Variants in DOCK7 observed in about 807,000 individuals in gnomAD.
DOCK7 encodes dedicator of cytokinesis protein 7.
Under a neutral mutation model 271.0 loss-of-function variants are expected in DOCK7, and 138 were observed. The ratio of observed to expected loss-of-function variants is 0.51; its 90% CI spans 0.44 to 0.59. The LOEUF is 0.59. Among genes scored for constraint, DOCK7 ranks in the 20% least tolerant of loss-of-function variants. The probability of loss-of-function intolerance (pLI) is 0.00; values close to 1 mark genes in which losing one functional copy is unlikely to be tolerated. For missense variants in DOCK7, 2,066 were observed against 2,592.4 expected (o/e 0.80, Z 4.41); for synonymous variants, 823 against 876.1 (o/e 0.94, Z 1.07).
rs1003522400 is a variant in DOCK7, at chr1:62,493,249, A to C, written c.5218-402T>G. Reference sequence around the variant, plus strand: ...ATCTAATGTACACGGAGTTAATGAAAAAAGTCAGGTATAATAAAAGCCCTC... The same window carrying C: ...ATCTAATGTACACGGAGTTAATGAACAAAGTCAGGTATAATAAAAGCCCTC... On this transcript the variant is annotated intron_variant, in intron 40 of 49. Transcript: ENST00000635253. Among the ~76,000 whole-genome samples, 3 of 152,324 alleles carry C rather than the reference A, an allele frequency of 2.0e-5. No individual in the cohort carries two copies. The East Asian group carries it at 5.8e-4, about 29-fold the overall frequency.
chr1:62,604,671 C>T lies in DOCK7; in HGVS notation c.1682+14035G>A. 2.5e-6 allele frequency: 4 copies of T among 1,613,134 alleles called. No individual in the cohort carries two copies. In the South Asian group the frequency reaches 4.4e-5, roughly 18 times the overall value. ...GCATGATGAGTGTGGAGAAAACAACCTAAATGGTAAATATAACAAACCAAG... is the reference window on the plus strand; with the variant it reads ...GCATGATGAGTGTGGAGAAAACAACTTAAATGGTAAATATAACAAACCAAG... On this transcript the variant is annotated intron_variant, in intron 14 of 49. Coordinates refer to ENST00000635253, the MANE Select transcript of DOCK7 (RefSeq NM_001367561.1).
intron 43 of DOCK7, chr1:62,483,215 T>G (rs1646188628): frequency 5.1e-5 from 7 of 137,098 alleles, no homozygotes; most frequent in Admixed American, 1.5e-4. Context: ...TTTTTTTGGG[T>G]AGAGATGAGA....
intron 7 of DOCK7, among the ~76,000 whole-genome samples, chr1:62,644,649 T>C (rs1338016434): frequency 2.0e-5 from 3 of 152,332 alleles, no homozygotes; most frequent in East Asian, 1.9e-4. Flanking sequence ...GTCTTCTTAA[T>C]AGTAGAAATA....
rs374052758 is a variant in DOCK7 at position 62,474,037 on chromosome 1, T to C, written c.6157A>G (p.Lys2053Glu). ...AGTTTATTATGATGTCTGAAGAGCTTTGGGTCACTAGGTATTTCAGACAGA... is the reference window on the plus strand; with the variant it reads ...AGTTTATTATGATGTCTGAAGAGCTCTGGGTCACTAGGTATTTCAGACAGA... Reference protein sequence around the residue: ...VFLSEIPSDPKLFRHHNKLRL... With the variant: ...VFLSEIPSDPELFRHHNKLRL... Residue 2053 changes from lysine (K) to glutamate (E), a missense_variant, in exon 48 of 50, where the codon AAG (lysine) becomes GAG (glutamate). By Grantham distance (56) the Lys-to-Glu change is moderately conservative. Around this residue, in one of 2 missense-constraint regions of DOCK7, gnomAD observed 652 missense variants for 922.1 expected, o/e 0.71. Transcript: ENST00000635253. 196 of 1,613,958 alleles carry C rather than the reference T, an allele frequency of 1.2e-4. 1 individual carries two copies. Among genetic ancestry groups the C allele is most frequent in the Middle Eastern group, 1.6e-4 (1 of 6,082 alleles).
At chr1:62,570,118 G>A (rs1646721617) in intron 18 of DOCK7, among the ~76,000 whole-genome samples, 1 of 152,186 alleles carries the variant, frequency 6.6e-6, no homozygotes, top group Non-Finnish European at 1.5e-5. Flanking sequence ...AATTGTCTTG[G>A]TTTGCAGATG....
intron 14 of DOCK7, chr1:62,608,049 T>G (rs904117844): frequency 1.8e-4 from 28 of 152,286 alleles, no homozygotes; most frequent in African/African-American, 6.7e-4. Context: ...AACACTGCAT[T>G]CTAGCCTGGG....
At chr1:62,674,242 AC>A (rs1660310663) in intron 1 of DOCK7, among the ~76,000 whole-genome samples, 1 of 152,212 alleles carries the variant, frequency 6.6e-6, no homozygotes, top group South Asian at 2.1e-4. Flanking sequence ...CAAAAGAGGT[AC>A]AAGACCTTTA....
intron 14 of DOCK7, among the ~76,000 whole-genome samples, chr1:62,610,575 TCATCTA>T (rs1651642925): frequency 6.6e-6 from 1 of 152,106 alleles, no homozygotes; most frequent in East Asian, 1.9e-4. Context: ...CATCAACCCG[TCATCTA>T]CATTAGGTAT....
intron 2 of DOCK7, among the ~76,000 whole-genome samples, chr1:62,654,958 C>T (rs921581483): frequency 6.6e-6 from 1 of 152,222 alleles, no homozygotes; most frequent in Admixed American, 6.5e-5. Context: ...CAGGAGAAAT[C>T]TGAAGAAAGC....
chr1:62,493,821 G>C (rs556190805), intron 40 of DOCK7, among the ~76,000 whole-genome samples: 1 of 152,308 alleles, frequency 6.6e-6, no homozygotes, highest in South Asian at 2.1e-4. Context: ...TAGTGGGTCA[G>C]AATTATGTAC....
At chr1:62,478,012 C>A in intron 43 of DOCK7, 187 bp from the exon 44 acceptor site, 1 of 639,672 alleles carries the variant, frequency 1.6e-6, no homozygotes, top group Non-Finnish European at 2.4e-6. Context: ...TTATTTCTAA[C>A]AAATAAGTAT....
chr1:62,470,923 TGCTACCTCCCCC>T (rs994522740), intron 48 of DOCK7, among the ~76,000 whole-genome samples: 21 of 152,092 alleles, frequency 1.4e-4, no homozygotes, highest in Admixed American at 3.9e-4. Flanking sequence ...CTGCCTCCCC[TGCTACCTCCCCC>T]ACCTCCTCTG....
intron 14 of DOCK7, chr1:62,601,778 C>T (rs774189215): frequency 4.5e-5 from 72 of 1,605,294 alleles, no homozygotes; most frequent in Non-Finnish European, 7.7e-6. Flanking sequence ...GGCATTCCTG[C>T]TGAATGTACC....
intron 31 of DOCK7, among the ~76,000 whole-genome samples, chr1:62,524,947 ATATATATAT>A (rs1277917677): frequency 7.2e-6 from 1 of 138,972 alleles, no homozygotes; most frequent in Non-Finnish European, 1.5e-5. Flanking sequence ...ATATATATAT[ATATATATAT>A]TACTATAAAC....
intron 25 of DOCK7, among the ~76,000 whole-genome samples, chr1:62,540,735 T>C (rs1055223817): frequency 6.6e-6 from 1 of 152,160 alleles, no homozygotes; most frequent in Non-Finnish European, 1.5e-5. Flanking sequence ...TTCAGGGAAA[T>C]TGAAGCTAAA....
In DOCK7 at chr1:62,565,649, A is replaced by G. The variant is rs144230610; in HGVS notation, c.2113-3946T>C. Reference sequence around the variant, plus strand: ...GGAAGCATCCCCTTTGAAAACTGGCACAAGACAAGGATGCCCTCTCTCACC... The same window carrying G: ...GGAAGCATCCCCTTTGAAAACTGGCGCAAGACAAGGATGCCCTCTCTCACC... On this transcript the variant is annotated intron_variant, in intron 18 of 49. Transcript: ENST00000635253. 5.0e-4 allele frequency among the ~76,000 whole-genome samples: 76 copies of G among 152,330 alleles called. No homozygotes were observed. The East Asian group carries it at 0.013, about 27-fold the overall frequency.
chr1:62,615,353 C>T (rs1357642381), intron 14 of DOCK7, among the ~76,000 whole-genome samples: 1 of 151,782 alleles, frequency 6.6e-6, no homozygotes, highest in Non-Finnish European at 1.5e-5. Context: ...AATAATGCAT[C>T]CTTTTTGCTC....
At chr1:62,620,883 CAAAAAAAA>C (rs767181280) in intron 12 of DOCK7, among the ~76,000 whole-genome samples, 1 of 31,148 alleles carries the variant, frequency 3.2e-5, no homozygotes, top group Non-Finnish European at 7.9e-5. Flanking sequence ...GACTCCGTCT[CAAAAAAAA>C]AAAAAAAAAA....
intron 14 of DOCK7, among the ~76,000 whole-genome samples, chr1:62,611,990 CAA>C (rs11361002): frequency 7.5e-4 from 97 of 129,796 alleles, no homozygotes; most frequent in Middle Eastern, 7.9e-3. Context: ...AGTAAAAATA[CAA>C]AAAAAAAAAA....
Sources: gnomAD v4.1 joint callset for allele counts (sites outside exome capture counted in the v4.1 genomes callset) on GRCh38, gnomAD v4.1.1 for gene constraint, gnomAD v4.1.1 regional missense constraint, MANE v1.5 for transcripts, NCBI Gene and HGNC (gene_info 2026-07-23, HGNC 2026-07-21) for gene names.